Variants in FGF14 observed in about 807,000 individuals in gnomAD.
The protein encoded by FGF14 is fibroblast growth factor homologous factor 4.
In FGF14, 5 loss-of-function variants were observed where a neutral mutation model predicts 25.5. The observed-to-expected ratio is 0.20, with a 90% CI of 0.10 to 0.41. FGF14 has a LOEUF of 0.41. Among genes scored for constraint, FGF14 ranks in the 10% least tolerant of loss-of-function variants. The probability of loss-of-function intolerance (pLI) is 1.00; values close to 1 mark genes in which losing one functional copy is unlikely to be tolerated. For synonymous variants in FGF14, 138 were observed against 118.3 expected, an observed-to-expected ratio of 1.17 and a Z score of -1.08; for missense variants, 222 against 320.1, an observed-to-expected ratio of 0.69 and a Z score of 2.34.
chr13:101,872,320 T>C (rs1224247442), intron 2 of FGF14, among the ~76,000 whole-genome samples: 2 of 151,550 alleles, frequency 1.3e-5, no homozygotes, highest in Non-Finnish European at 3.0e-5. Context: ...GAATGATTAT[T>C]CATAAACATG....
upstream of FGF14, among the ~76,000 whole-genome samples, chr13:101,917,322 C>A (rs147736969): frequency 5.9e-5 from 9 of 152,278 alleles, no homozygotes; most frequent in East Asian, 1.7e-3. Context: ...TGTGGTCCCC[C>A]TCCTGATGTA....
rs536946967 is a variant in FGF14 at position 101,935,858 on chromosome 13, G to A, written c.209-60562C>T. 9.9e-5 allele frequency among the ~76,000 whole-genome samples: 15 copies of A among 152,238 alleles called. No individual in the cohort carries two copies. In the South Asian group the frequency reaches 1.2e-3, roughly 13 times the overall value. ...GCTTCTAAGTTGTCATCTAGCTACC[G>A]TGACTGATTAATTTGAGAATGCATT... On this transcript the variant is annotated intron_variant, in intron 1 of 4. Transcript: ENST00000376131.
chr13:102,265,917 T>A (rs749830783), intron 1 of FGF14, among the ~76,000 whole-genome samples: 1 of 152,050 alleles, frequency 6.6e-6, no homozygotes, highest in East Asian at 1.9e-4. Flanking sequence ...AAAAAAAAAT[T>A]TGTTTACTTC....
At chr13:102,244,651 G>T (rs1014676169) in intron 1 of FGF14, among the ~76,000 whole-genome samples, 2 of 151,962 alleles carry the variant, frequency 1.3e-5, no homozygotes, top group Non-Finnish European at 2.9e-5. Flanking sequence ...GTGAAGATCA[G>T]GGTGCCATTT....
At position 102,144,979 on chromosome 13, in the gene FGF14, C is replaced by G. The variant is rs536772785; in HGVS notation, c.208+256492G>C. Among the ~76,000 whole-genome samples the G allele has an allele frequency of 4.6e-5, 7 of 152,234 alleles. No homozygotes were observed. In the East Asian group the frequency reaches 1.4e-3, roughly 29 times the overall value. On this transcript the variant is annotated intron_variant, in intron 1 of 4. Transcript: ENST00000376131. ...AAGCAAAATGAATATATAAAGACTA[C>G]CAGGTAATTCTTCCGTAATATTTGA...
chr13:101,806,462 T>C (rs538579721), intron 3 of FGF14, among the ~76,000 whole-genome samples: 13 of 151,332 alleles, frequency 8.6e-5, no homozygotes, highest in Non-Finnish European at 1.5e-4. Context: ...TATGTATATG[T>C]ACATTGAGAA....
intron 1 of FGF14, among the ~76,000 whole-genome samples, chr13:102,247,865 T>A (rs2051961528): frequency 6.6e-6 from 1 of 152,116 alleles, no homozygotes; most frequent in South Asian, 2.1e-4. Flanking sequence ...GTAGGCTGCA[T>A]GAAGAAAATG....
intron 3 of FGF14, among the ~76,000 whole-genome samples, chr13:101,801,212 T>A (rs113837949): frequency 7.7e-4 from 117 of 152,290 alleles, no homozygotes; most frequent in African/African-American, 2.7e-3. Flanking sequence ...AAGGTCTTTG[T>A]CTACAAGGAA....
chr13:101,939,568 G>A (rs967621931), intron 1 of FGF14, among the ~76,000 whole-genome samples: 3 of 152,276 alleles, frequency 2.0e-5, no homozygotes, highest in Middle Eastern at 3.4e-3. Flanking sequence ...GGGTTAATGC[G>A]AAATCCTAAA....
At chr13:102,182,376 A>G (rs2048713040) in intron 1 of FGF14, among the ~76,000 whole-genome samples, 1 of 152,170 alleles carries the variant, frequency 6.6e-6, no homozygotes, top group African/African-American at 2.4e-5. Flanking sequence ...ATTTTAGCCC[A>G]GTGAGAACTG....
intron 3 of FGF14, among the ~76,000 whole-genome samples, chr13:101,826,144 G>A (rs895544364): frequency 2.0e-5 from 3 of 151,986 alleles, no homozygotes; most frequent in African/African-American, 2.4e-5. Flanking sequence ...TTTCAAAAAC[G>A]AGAATTTTCT....
chr13:102,069,841 C>T (rs1360215275), intron 1 of FGF14, among the ~76,000 whole-genome samples: 2 of 152,202 alleles, frequency 1.3e-5, no homozygotes, highest in African/African-American at 2.4e-5. Flanking sequence ...GACACAACGG[C>T]TCACGCCTAT....
intron 1 of FGF14, among the ~76,000 whole-genome samples, chr13:102,056,213 A>G (rs980490697): frequency 2.0e-5 from 3 of 152,246 alleles, no homozygotes; most frequent in African/African-American, 4.8e-5. Context: ...CAAATGGCCC[A>G]GAAAGACAAA....
intron 1 of FGF14, among the ~76,000 whole-genome samples, chr13:101,958,625 T>C (rs888240995): frequency 1.3e-5 from 2 of 152,200 alleles, no homozygotes. Context: ...TGACTACATA[T>C]AGAATACTAC....
chr13:101,975,524 A>C (rs2037867924), intron 1 of FGF14, among the ~76,000 whole-genome samples: 1 of 151,756 alleles, frequency 6.6e-6, no homozygotes, highest in African/African-American at 2.4e-5. Flanking sequence ...TGACATTGCA[A>C]CTCCCTCTGT....
chr13:102,018,505 C>G (rs1193801275), intron 1 of FGF14, among the ~76,000 whole-genome samples: 9 of 152,114 alleles, frequency 5.9e-5, no homozygotes, highest in African/African-American at 9.7e-5. Context: ...TGCTTTGCAT[C>G]TACCAAAGTA....
chr13:102,047,658 A>ATCACACAC (rs986585460), intron 1 of FGF14, among the ~76,000 whole-genome samples: 1 of 152,126 alleles, frequency 6.6e-6, no homozygotes, highest in Non-Finnish European at 1.5e-5. Context: ...GAAGGGGAAC[A>ATCACACAC]TCACACACCG....
chr13:102,347,558 C>A (rs191506427), intron 1 of FGF14, among the ~76,000 whole-genome samples: 1 of 152,230 alleles, frequency 6.6e-6, no homozygotes, highest in East Asian at 1.9e-4. Flanking sequence ...GGAGTAAGGC[C>A]TGCTGCGGAA....
chr13:102,267,115 G>C (rs906532943), intron 1 of FGF14, among the ~76,000 whole-genome samples: 3 of 152,134 alleles, frequency 2.0e-5, no homozygotes, highest in Non-Finnish European at 4.4e-5. Context: ...TGGACCTTAA[G>C]ACAAAAGATA....
Sources: gnomAD v4.1 joint callset for allele counts (sites outside exome capture counted in the v4.1 genomes callset) on GRCh38, gnomAD v4.1.1 for gene constraint, MANE v1.5 for transcripts, NCBI Gene and HGNC (gene_info 2026-07-23, HGNC 2026-07-21) for gene names.